Variants in TGFBR3 observed in about 807,000 individuals in gnomAD.
TGFBR3 encodes transforming growth factor beta receptor 3, also known as transforming growth factor beta receptor type 3.
Under a neutral mutation model 87.9 loss-of-function variants are expected in TGFBR3, and 46 were observed. The observed-to-expected ratio is 0.52, with a 90% CI of 0.41 to 0.67. The LOEUF (loss-of-function observed/expected upper bound fraction) is 0.67, where lower values mean the gene tolerates loss of function less well. TGFBR3 is among the 30% of genes least tolerant of loss of function. TGFBR3 has a pLI of 0.00. For missense variants in TGFBR3, 866 were observed against 1,041.9 expected (o/e 0.83, Z 2.32); for synonymous variants, 381 against 391.6 (o/e 0.97, Z 0.32).
chr1:91,845,002 C>A (rs1207725344), intron 2 of TGFBR3, among the ~76,000 whole-genome samples: 1 of 152,158 alleles, frequency 6.6e-6, no homozygotes, highest in Non-Finnish European at 1.5e-5. Flanking sequence ...TTCAGGATAG[C>A]CCGCCTCACA....
chr1:91,722,681 G>A (rs1219805225), intron 7 of TGFBR3, among the ~76,000 whole-genome samples: 1 of 152,150 alleles, frequency 6.6e-6, no homozygotes, highest in Non-Finnish European at 1.5e-5. Flanking sequence ...TAGTCATTGT[G>A]TGAGCATCAT....
In TGFBR3 at chr1:91,861,637, C is replaced by A; in HGVS notation, c.-106G>T. ...TCTTAAAGTCCCTCCTTGCAATTTT[C>A]AAACTGCCTGTAAAACAAATTTCAA... On this transcript the variant is annotated 5_prime_UTR_variant, in exon 2 of 17. Transcript: ENST00000212355. The A allele has an allele frequency of 1.2e-6, 1 of 846,050 alleles. No homozygotes were observed. The highest frequency in any genetic ancestry group is 1.4e-5 in the South Asian group (1 of 72,518). The allele number at this position is 846,050 out of a possible 1,614,324, so 52.4% of individuals were successfully genotyped here.
chr1:91,870,812 CAT>C (rs1678554904), intron 1 of TGFBR3, among the ~76,000 whole-genome samples: 1 of 151,868 alleles, frequency 6.6e-6, no homozygotes, highest in Admixed American at 6.6e-5. Context: ...GCCTGGGAAA[CAT>C]AGAAAAAATA....
intron 2 of TGFBR3, among the ~76,000 whole-genome samples, chr1:91,827,904 T>C (rs532805990): frequency 2.0e-4 from 31 of 152,334 alleles, no homozygotes; most frequent in African/African-American, 7.0e-4. Flanking sequence ...CCATCCAGAA[T>C]ACAAGGTAGT....
intron 14 of TGFBR3, among the ~76,000 whole-genome samples, chr1:91,699,403 T>TTC (rs1023004653): frequency 2.7e-5 from 4 of 150,286 alleles, no homozygotes; most frequent in African/African-American, 9.8e-5. Flanking sequence ...TACCTCCTAG[T>TTC]TCTCTCTCTC....
At chr1:91,866,422 A>G (rs1282923244) in intron 1 of TGFBR3, among the ~76,000 whole-genome samples, 2 of 152,222 alleles carry the variant, frequency 1.3e-5, no homozygotes, top group Non-Finnish European at 2.9e-5. Context: ...TCGGAATCAC[A>G]TCCAAGCACA....
At chr1:91,872,795 G>A (rs1324559920) in intron 1 of TGFBR3, among the ~76,000 whole-genome samples, 1 of 152,198 alleles carries the variant, frequency 6.6e-6, no homozygotes, top group African/African-American at 2.4e-5. Context: ...GCCTGTTAGA[G>A]GTAAAATGGG....
chr1:91,728,294 T>C (rs745617648), intron 6 of TGFBR3, among the ~76,000 whole-genome samples: 1 of 151,730 alleles, frequency 6.6e-6, no homozygotes, highest in African/African-American at 2.4e-5. Flanking sequence ...AACTTCAGAG[T>C]AAAATAAGAG....
intron 2 of TGFBR3, among the ~76,000 whole-genome samples, chr1:91,833,311 A>AAC (rs1201556906): frequency 2.0e-5 from 3 of 147,788 alleles, no homozygotes; most frequent in Non-Finnish European, 4.5e-5. Context: ...AAAAAAAAAA[A>AAC]AAAAACAGGC....
chr1:91,771,522 G>A (rs1674376616), intron 3 of TGFBR3, among the ~76,000 whole-genome samples: 1 of 151,902 alleles, frequency 6.6e-6, no homozygotes, highest in Admixed American at 6.6e-5. Flanking sequence ...GGCTAACACG[G>A]TGAAACCCCG....
rs556751267 is a variant in TGFBR3 at position 91,723,252 on chromosome 1, C to T, written c.886-1108G>A. Among the ~76,000 whole-genome samples the T allele has an allele frequency of 5.3e-5, 8 of 151,926 alleles. No individual in the cohort carries two copies. In the East Asian group the frequency reaches 5.8e-4, roughly 11 times the overall value. On this transcript the variant is annotated intron_variant, in intron 7 of 16. Transcript: ENST00000212355. The stretch of plus-strand genomic sequence containing the variant: ...ATACTAGCATTTGGGGAGGCTGAGG[C>T]GGAAGGACTGCTTGAGCCCAAGAGT...
At chr1:91,739,737 C>T (rs1298719005) in intron 4 of TGFBR3, among the ~76,000 whole-genome samples, 2 of 152,158 alleles carry the variant, frequency 1.3e-5, no homozygotes, top group East Asian at 3.8e-4. Context: ...TAAAAAAATA[C>T]CTGGGACTGG....
chr1:91,780,663 G>A (rs1339305740), intron 3 of TGFBR3, among the ~76,000 whole-genome samples: 2 of 146,366 alleles, frequency 1.4e-5, no homozygotes, highest in African/African-American at 5.1e-5. Flanking sequence ...GGGCTCAAGC[G>A]ATTCTCCTGC....
intron 3 of TGFBR3, among the ~76,000 whole-genome samples, chr1:91,791,120 G>T (rs1380210428): frequency 6.6e-6 from 1 of 152,166 alleles, no homozygotes; most frequent in African/African-American, 2.4e-5. Context: ...GAATACTGAA[G>T]CTCTTGCATA....
intron 7 of TGFBR3, among the ~76,000 whole-genome samples, chr1:91,726,133 T>A (rs954299350): frequency 1.3e-5 from 2 of 152,146 alleles, no homozygotes; most frequent in African/African-American, 4.8e-5. Flanking sequence ...TTTCTAGCCT[T>A]TCTGATTCAT....
intron 2 of TGFBR3, among the ~76,000 whole-genome samples, chr1:91,832,451 G>A (rs1323115186): frequency 6.6e-6 from 1 of 152,132 alleles, no homozygotes; most frequent in African/African-American, 2.4e-5. Context: ...TTACTATTGT[G>A]CAAGGGTCTC....
At chr1:91,816,231 C>T (rs779567647) in intron 2 of TGFBR3, among the ~76,000 whole-genome samples, 118 of 151,940 alleles carry the variant, frequency 7.8e-4, no homozygotes, top group Admixed American at 2.9e-3. Flanking sequence ...AAGAAAAAAA[C>T]GAAAAGAAAA....
chr1:91,761,778 A>G (rs542892408), intron 3 of TGFBR3, among the ~76,000 whole-genome samples: 14 of 152,202 alleles, frequency 9.2e-5, no homozygotes, highest in Middle Eastern at 3.4e-3. Context: ...AAAAAAGACA[A>G]AAGAAAAGAA....
intron 4 of TGFBR3, among the ~76,000 whole-genome samples, chr1:91,744,967 C>T (rs143662767): frequency 1.3e-5 from 2 of 152,034 alleles, no homozygotes; most frequent in African/African-American, 4.8e-5. Context: ...AATGAAAAAG[C>T]CTGTTGAGAT....
Sources: gnomAD v4.1 joint callset for allele counts (sites outside exome capture counted in the v4.1 genomes callset) on GRCh38, gnomAD v4.1.1 for gene constraint, MANE v1.5 for transcripts, NCBI Gene and HGNC (gene_info 2026-07-23, HGNC 2026-07-21) for gene names.